The following SMAD1 variants were observed in gnomAD, a reference collection of about 807,000 sequenced individuals.
SMAD1 encodes the protein SMAD family member 1, also known as MAD, mothers against decapentaplegic homolog 1.
In SMAD1, 6 loss-of-function variants were observed where a neutral mutation model predicts 41.6. The ratio of observed to expected loss-of-function variants is 0.14; its 90% confidence interval spans 0.08 to 0.28. SMAD1 has a LOEUF of 0.28. SMAD1 is among the 10% of genes least tolerant of loss of function. The pLI is 1.00. For missense variants in SMAD1, 379 were observed against 582.6 expected (o/e 0.65, Z 3.60); for synonymous variants, 206 against 203.2 (o/e 1.01, Z -0.12).
Position 145,542,669 on chromosome 4 carries a change from C to T in SMAD1, c.746C>T (p.Pro249Leu). Residue 249 changes from proline (P) to leucine (L), a missense_variant, in exon 4 of 7, where the codon CCT becomes CTT. Around this residue, in one of 3 missense-constraint regions of SMAD1, gnomAD observed 208 missense variants for 210.5 expected, o/e 0.99. Transcript: ENST00000302085. Reference protein sequence around the residue: ...SQPMDTNMMAPPLPSEINRGD... With the variant: ...SQPMDTNMMALPLPSEINRGD... ...CCGATGGACACAAACATGATGGCGC[C>T]TCCCCTGCCCTCAGAAATCAACAGA... The T allele has an allele frequency of 6.2e-7, 1 of 1,612,220 alleles. No homozygotes were observed. The highest frequency in any genetic ancestry group is 1.1e-5 in the South Asian group (1 of 90,578).
intron 1 of SMAD1, among the ~76,000 whole-genome samples, chr4:145,485,024 G>A (rs1183262257): frequency 1.3e-5 from 2 of 152,038 alleles, no homozygotes; most frequent in Admixed American, 6.5e-5. Flanking sequence ...ATTATCTAGG[G>A]CTCTGCTATC....
intron 1 of SMAD1, among the ~76,000 whole-genome samples, chr4:145,494,201 C>A (rs943151859): frequency 6.6e-6 from 1 of 152,172 alleles, no homozygotes. Context: ...ACCTTGGGAC[C>A]CACCTGCCTC....
intron 1 of SMAD1, among the ~76,000 whole-genome samples, chr4:145,487,839 A>G (rs1314087536): frequency 6.6e-6 from 1 of 152,050 alleles, no homozygotes; most frequent in Non-Finnish European, 1.5e-5. Context: ...GCTTCTCTAG[A>G]ACATTCATTT....
At chr4:145,539,653 C>G in intron 2 of SMAD1, 151 bp from the exon 3 acceptor site, 2 of 719,516 alleles carry the variant, frequency 2.8e-6, no homozygotes, top group Non-Finnish European at 4.5e-6. Flanking sequence ...GGTAAAATAG[C>G]TTTTCATTTG....
At chr4:145,517,130 C>T (rs1730451609) in intron 2 of SMAD1, 1 of 152,224 alleles carries the variant, frequency 6.6e-6, no homozygotes, top group Non-Finnish European at 1.5e-5. Flanking sequence ...TGTTGTCCTA[C>T]TTTTCCCTAC....
intron 1 of SMAD1, chr4:145,498,035 T>G (rs540581066): frequency 2.0e-5 from 3 of 152,218 alleles, no homozygotes; most frequent in Non-Finnish European, 4.4e-5. Flanking sequence ...AAACTTTGAT[T>G]TTTAGAAGTT....
Position 145,499,445 on chromosome 4 carries a change from A to T in SMAD1, c.-176-14993A>T, listed in dbSNP as rs368866523. Among the ~76,000 whole-genome samples, 66 of 152,202 alleles carry T rather than the reference A, an allele frequency of 4.3e-4. 1 individual carries two copies. The South Asian group carries it at 0.012, about 27-fold the overall frequency. On this transcript the variant is annotated intron_variant, in intron 1 of 6. Transcript: ENST00000302085. ...AGACCAGCTTGGGCAATGTGGCAAA[A>T]CCCTGTCACTAATAAAAATCCAAAA...
chr4:145,557,563 T>C (rs1459615564), intron 6 of SMAD1, among the ~76,000 whole-genome samples: 1 of 152,198 alleles, frequency 6.6e-6, no homozygotes, highest in African/African-American at 2.4e-5. Flanking sequence ...CAATTCTTAT[T>C]GGAATCCATG....
chr4:145,498,205 C>A (rs532196628), intron 1 of SMAD1: 1 of 152,192 alleles, frequency 6.6e-6, no homozygotes, highest in South Asian at 2.1e-4. Context: ...GAGTAAGGGT[C>A]TAAAATGGGA....
chr4:145,500,862 A>G (rs886745188), intron 1 of SMAD1, among the ~76,000 whole-genome samples: 1 of 152,210 alleles, frequency 6.6e-6, no homozygotes, highest in Non-Finnish European at 1.5e-5. Flanking sequence ...TCAGCATGTT[A>G]TAATTTTGAA....
chr4:145,537,801 A>G (rs1207315850), intron 2 of SMAD1, among the ~76,000 whole-genome samples: 3 of 152,230 alleles, frequency 2.0e-5, no homozygotes, highest in Admixed American at 6.5e-5. Flanking sequence ...ATCTGCAAGT[A>G]GTAGGAACAA....
chr4:145,514,919 A>G lies in SMAD1; in HGVS notation c.306A>G (p.Glu102=). ...GGCCCGATCTTCAGAGCCACCATGA[A>G]CTAAAACCACTGGAATGCTGTGAGT... ...WRWPDLQSHH[E]LKPLECCEFP... is the part of the protein sequence containing the mutation. The change falls in exon 2 of 7, where the codon GAA becomes GAG. Residue 102 remains glutamate (E), a synonymous_variant. Coordinates refer to ENST00000302085, the MANE Select transcript of SMAD1 (RefSeq NM_005900.3). This position sits in a 1 kb window ranked among gnomAD's most constrained non-coding sequence, Gnocchi z 4.7. 3 of 1,614,026 alleles carry G rather than the reference A, an allele frequency of 1.9e-6. No homozygotes were observed. The highest frequency in any genetic ancestry group is 1.1e-5 in the South Asian group (1 of 91,068).
At chr4:145,526,026 C>G (rs2126463682) in intron 2 of SMAD1, among the ~76,000 whole-genome samples, 2 of 152,324 alleles carry the variant, frequency 1.3e-5, no homozygotes, top group Middle Eastern at 6.8e-3. Flanking sequence ...AAACAGCTCT[C>G]CAAGAGATGC....
At chr4:145,531,183 T>G (rs1731299494) in intron 2 of SMAD1, among the ~76,000 whole-genome samples, 1 of 152,224 alleles carries the variant, frequency 6.6e-6, no homozygotes, top group South Asian at 2.1e-4. Flanking sequence ...GTTCCAAGAA[T>G]CATTTCTTCA....
chr4:145,540,086 T>A, intron 3 of SMAD1, 25 bp downstream of exon 3: 1 of 1,613,166 alleles, frequency 6.2e-7, no homozygotes, highest in African/African-American at 1.3e-5. Flanking sequence ...TCAGTGATGT[T>A]CTGTAGTCAT....
In SMAD1 at chr4:145,482,727, T is replaced by C. The variant is rs1395259822; in HGVS notation, c.-177+689T>C. On this transcript the variant is annotated intron_variant, in intron 1 of 6. Transcript: ENST00000302085. The surrounding 1 kb of genome is among the most constrained non-coding windows in gnomAD (Gnocchi z 4.2). ...TCAAAGGTTTGGCGGCGGCGCGTAA[T>C]TTTTTCCCCCTCTTCCGCCTACACC... 1.3e-5 allele frequency: 2 copies of C among 152,148 alleles called. No individual in the cohort carries two copies. The highest frequency in any genetic ancestry group is 2.9e-5 in the Non-Finnish European group (2 of 68,056). 9.4% of individuals were successfully genotyped at this position (152,148 alleles called of 1,614,324 possible).
At chr4:145,551,571 A>G (rs1046286350) in intron 5 of SMAD1, among the ~76,000 whole-genome samples, 1 of 152,232 alleles carries the variant, frequency 6.6e-6, no homozygotes, top group African/African-American at 2.4e-5. Context: ...ACAGTTCATT[A>G]AAAAATAAAA....
intron 1 of SMAD1, among the ~76,000 whole-genome samples, chr4:145,502,513 T>A (rs888543482): frequency 6.6e-6 from 1 of 152,222 alleles, no homozygotes; most frequent in Non-Finnish European, 1.5e-5. Context: ...AGGGAATCTC[T>A]GTGATTAAGA....
intron 1 of SMAD1, among the ~76,000 whole-genome samples, chr4:145,510,474 T>C (rs956259033): frequency 8.5e-5 from 13 of 152,156 alleles, no homozygotes; most frequent in Non-Finnish European, 1.6e-4. Flanking sequence ...TAAAAATATT[T>C]TCTATTTCCT....
Sources: gnomAD v4.1 joint callset for allele counts (sites outside exome capture counted in the v4.1 genomes callset) on GRCh38, gnomAD v4.1.1 for gene constraint, gnomAD v4.1.1 regional missense constraint, Gnocchi (gnomAD v3.1) non-coding constraint, MANE v1.5 for transcripts, NCBI Gene and HGNC (gene_info 2026-07-23, HGNC 2026-07-21) for gene names.